The following CDH6 variants were observed in gnomAD, a reference collection of about 807,000 sequenced individuals.
The protein encoded by CDH6 is cadherin 6.
In CDH6, 31 loss-of-function variants were observed where a neutral mutation model predicts 78.0. The ratio of observed to expected loss-of-function variants is 0.40; its 90% CI spans 0.30 to 0.54. The LOEUF (loss-of-function observed/expected upper bound fraction) is 0.54, where lower values mean the gene tolerates loss of function less well. Among genes scored for constraint, CDH6 ranks in the 20% least tolerant of loss-of-function variants. The probability of loss-of-function intolerance (pLI) is 0.56; values close to 1 mark genes in which losing one functional copy is unlikely to be tolerated. For missense variants in CDH6, 724 were observed against 975.9 expected, an observed-to-expected ratio of 0.74 and a Z score of 3.44; for synonymous variants, 376 against 368.8, an observed-to-expected ratio of 1.02 and a Z score of -0.23.
At chr5:31,312,138 C>G (rs1375836698) in intron 7 of CDH6, among the ~76,000 whole-genome samples, 2 of 152,194 alleles carry the variant, frequency 1.3e-5, no homozygotes, top group Non-Finnish European at 2.9e-5. Context: ...TTTTCTTCCT[C>G]CACTGGACAT....
At chr5:31,217,273 T>C (rs181695276) in intron 1 of CDH6, among the ~76,000 whole-genome samples, 1 of 152,186 alleles carries the variant, frequency 6.6e-6, no homozygotes, top group Non-Finnish European at 1.5e-5. Context: ...TAAACCACAA[T>C]AAGAAATACA....
intron 1 of CDH6, among the ~76,000 whole-genome samples, chr5:31,245,111 A>C (rs1470994718): frequency 6.6e-6 from 1 of 152,208 alleles, no homozygotes; most frequent in East Asian, 1.9e-4. Context: ...TTCTAGCAGG[A>C]AGCAAGTCCC....
At chr5:31,259,847 G>A (rs1020414146) in intron 1 of CDH6, among the ~76,000 whole-genome samples, 1 of 152,166 alleles carries the variant, frequency 6.6e-6, no homozygotes, top group Non-Finnish European at 1.5e-5. Flanking sequence ...ATGGCAAATG[G>A]CATTTGAACA....
intron 5 of CDH6, among the ~76,000 whole-genome samples, chr5:31,300,632 C>G (rs1737742006): frequency 6.6e-6 from 1 of 152,130 alleles, no homozygotes; most frequent in African/African-American, 2.4e-5. Context: ...TTGCCCAAAA[C>G]CTACTTTTTA....
chr5:31,302,892 A>G (rs1408598663), intron 6 of CDH6, among the ~76,000 whole-genome samples: 2 of 141,584 alleles, frequency 1.4e-5, no homozygotes, highest in African/African-American at 2.7e-5. Context: ...GGAAGGAAAG[A>G]AAGAAAGAAA....
intron 1 of CDH6, among the ~76,000 whole-genome samples, chr5:31,235,236 CTT>C (rs543675071): frequency 0.018 from 2,033 of 110,674 alleles, 44 homozygotes; most frequent in African/African-American, 0.065. Context: ...ATTCCTTTTT[CTT>C]TTTTTTTTTT....
chr5:31,312,453 C>T (rs143415410), intron 7 of CDH6, among the ~76,000 whole-genome samples: 4 of 152,370 alleles, frequency 2.6e-5, no homozygotes, highest in African/African-American at 9.6e-5. Flanking sequence ...TATCCCAGCA[C>T]TTCGGGAGGC....
chr5:31,272,855 G>A (rs1742565221), intron 2 of CDH6, among the ~76,000 whole-genome samples: 1 of 152,116 alleles, frequency 6.6e-6, no homozygotes, highest in Non-Finnish European at 1.5e-5. Flanking sequence ...ATTTTCTGAT[G>A]GAAGTTGGTG....
rs74332651 is a variant in CDH6 at position 31,320,088 on chromosome 5, G to A, written c.1882+2164G>A. Reference sequence around the variant, plus strand: ...GGCTTCAAAAGGGTAAGGGAAAGGGGGAGACTCAGTTCCTGCTGAGGGCAC... The same window carrying A: ...GGCTTCAAAAGGGTAAGGGAAAGGGAGAGACTCAGTTCCTGCTGAGGGCAC... On this transcript the variant is annotated intron_variant, in intron 11 of 11. Coordinates refer to ENST00000265071, the MANE Select transcript of CDH6 (RefSeq NM_004932.4). Among the ~76,000 whole-genome samples, 411 of 152,208 alleles carry A rather than the reference G, an allele frequency of 2.7e-3. 6 individuals are homozygous for A. The South Asian group carries it at 0.043, about 16-fold the overall frequency.
At chr5:31,300,822 C>T (rs535553232) in intron 5 of CDH6, among the ~76,000 whole-genome samples, 1 of 152,272 alleles carries the variant, frequency 6.6e-6, no homozygotes, top group South Asian at 2.1e-4. Flanking sequence ...AAGTTGAAAA[C>T]ACTAGAGAAT....
intron 1 of CDH6, among the ~76,000 whole-genome samples, chr5:31,233,834 A>G (rs1579837569): frequency 6.6e-6 from 1 of 151,868 alleles, no homozygotes; most frequent in South Asian, 2.1e-4. Context: ...ATTCCACTTT[A>G]CCTCCATAGG....
chr5:31,215,452 CTT>C (rs1293720898), intron 1 of CDH6, among the ~76,000 whole-genome samples: 1 of 152,106 alleles, frequency 6.6e-6, no homozygotes, highest in Non-Finnish European at 1.5e-5. Context: ...CAAATCAATG[CTT>C]TGAAGATGTA....
chr5:31,231,128 A>G (rs1741300627), intron 1 of CDH6, among the ~76,000 whole-genome samples: 1 of 152,196 alleles, frequency 6.6e-6, no homozygotes, highest in Non-Finnish European at 1.5e-5. Flanking sequence ...AGGGTGATTC[A>G]GCCTATAATG....
chr5:31,299,681 C>G, intron 5 of CDH6, 50 bp downstream of exon 5: 2 of 1,494,958 alleles, frequency 1.3e-6, no homozygotes, highest in Non-Finnish European at 1.9e-6. Context: ...TTATAAAACT[C>G]GAACTTTAAG....
intron 1 of CDH6, among the ~76,000 whole-genome samples, chr5:31,207,466 A>G (rs142807062): frequency 6.6e-6 from 1 of 151,980 alleles, no homozygotes; most frequent in African/African-American, 2.4e-5. Flanking sequence ...TACCTATCTG[A>G]CTCTTAGCTT....
chr5:31,274,075 TA>T (rs1742615793), intron 2 of CDH6, among the ~76,000 whole-genome samples: 1 of 152,236 alleles, frequency 6.6e-6, no homozygotes, highest in Non-Finnish European at 1.5e-5. Context: ...CTAACATTTT[TA>T]TGTTTCTATG....
At chr5:31,227,616 A>T (rs1395305248) in intron 1 of CDH6, among the ~76,000 whole-genome samples, 2 of 152,070 alleles carry the variant, frequency 1.3e-5, no homozygotes, top group African/African-American at 4.8e-5. Flanking sequence ...AACCTCACAG[A>T]TCAAGGCTTC....
intron 7 of CDH6, among the ~76,000 whole-genome samples, chr5:31,312,184 C>T (rs1048138086): frequency 6.6e-6 from 1 of 152,216 alleles, no homozygotes; most frequent in Admixed American, 6.5e-5. Flanking sequence ...AATCTGGGAT[C>T]AGTCCAGATC....
chr5:31,302,161 G>T lies in CDH6; in HGVS notation c.862G>T (p.Gly288Cys). 6.2e-7 allele frequency: 1 copy of T among 1,613,944 alleles called. No homozygotes were observed. The highest frequency in any genetic ancestry group is 8.5e-7 in the Non-Finnish European group (1 of 1,179,900). The change falls in exon 6 of 12, where the codon GGC becomes TGC. Residue 288 changes from glycine (G) to cysteine (C), a missense_variant. Transcript: ENST00000265071. Reference sequence around the variant, plus strand: ...ATCTTCTCCACCGGGGACACCAATTGGCAGAATCAAAGCCAGCGACGCTGA... The same window carrying T: ...ATCTTCTCCACCGGGGACACCAATTTGCAGAATCAAAGCCAGCGACGCTGA... ...PESSPPGTPI[G>C]RIKASDADVG...
Sources: gnomAD v4.1 joint callset for allele counts (sites outside exome capture counted in the v4.1 genomes callset) on GRCh38, gnomAD v4.1.1 for gene constraint, MANE v1.5 for transcripts, NCBI Gene and HGNC (gene_info 2026-07-23, HGNC 2026-07-21) for gene names.